The following WDR35 variants were observed in gnomAD, a reference collection of about 807,000 sequenced individuals.
WDR35 encodes the protein WD repeat domain 35.
Under a neutral mutation model 158.3 loss-of-function variants are expected in WDR35, and 118 were observed. The ratio of observed to expected loss-of-function variants is 0.75; its 90% CI spans 0.64 to 0.87. The LOEUF is 0.87. WDR35 is among the 40% of genes least tolerant of loss of function. The pLI, the probability that WDR35 is intolerant of heterozygous loss-of-function variation, is 0.00. For missense variants in WDR35, 1,263 were observed against 1,405.8 expected, an observed-to-expected ratio of 0.90 and a Z score of 1.62; for synonymous variants, 448 against 476.1, an observed-to-expected ratio of 0.94 and a Z score of 0.77.
Position 19,975,681 on chromosome 2 carries a change from T to C in WDR35, c.437-18A>G, listed in dbSNP as rs771495253. 9.9e-6 allele frequency: 16 copies of C among 1,613,736 alleles called. No homozygotes were observed. The East Asian group carries it at 2.9e-4, about 29-fold the overall frequency. On this transcript the variant is annotated intron_variant, in intron 5 of 26. Coordinates refer to ENST00000281405, the MANE Select transcript of WDR35 (RefSeq NM_020779.4). ...ACGATTGCCTAAAACAAAACATTAT[T>C]AAAAGTTGTTCAAGGTCATGATCCT...
At chr2:19,989,105 G>T (rs912962642) in intron 2 of WDR35, 60 bp downstream of exon 2, 1 of 1,391,676 alleles carries the variant, frequency 7.2e-7, no homozygotes, top group Non-Finnish European at 1.0e-6. Context: ...TGAGTAGACC[G>T]CACTGAACAA....
rs1160131349 is a variant in WDR35 at position 19,921,932 on chromosome 2, A to G, written c.3122-7655T>C. Among the ~76,000 whole-genome samples, 3 of 152,256 alleles carry G rather than the reference A, an allele frequency of 2.0e-5. No individual in the cohort carries two copies. In the South Asian group the frequency reaches 6.2e-4, roughly 31 times the overall value. On this transcript the variant is annotated intron_variant, in intron 25 of 26. Coordinates refer to ENST00000281405, the MANE Select transcript of WDR35 (RefSeq NM_020779.4). ...GAAGGATATGAACAGAAACTTTTCAAAAGAAGACATTTTTGCATCCAACAA... is the reference window on the plus strand; with the variant it reads ...GAAGGATATGAACAGAAACTTTTCAGAAGAAGACATTTTTGCATCCAACAA...
intron 12 of WDR35, among the ~76,000 whole-genome samples, chr2:19,952,576 A>G (rs1417599127): frequency 6.6e-6 from 1 of 152,134 alleles, no homozygotes; most frequent in East Asian, 1.9e-4. Context: ...TTGTCCTAAG[A>G]TCTACCTTCT....
chr2:19,954,732 A>G lies in WDR35; in HGVS notation c.1256-754T>C, dbSNP rs547707075. Among the ~76,000 whole-genome samples, 60 of 152,328 alleles carry G rather than the reference A, an allele frequency of 3.9e-4. 1 individual carries two copies. In the South Asian group the frequency reaches 7.5e-3, roughly 19 times the overall value. On this transcript the variant is annotated intron_variant, in intron 11 of 26. Transcript: ENST00000281405. ...TAATATGGTGTGTTCACTTTGGTAA[A>G]CAGTTCAGCAACTCCTCAAAATGTT...
chr2:19,957,103 T>C (rs1029040479), intron 11 of WDR35, among the ~76,000 whole-genome samples: 1 of 152,194 alleles, frequency 6.6e-6, no homozygotes, highest in Admixed American at 6.5e-5. Flanking sequence ...GTAGTAGAGC[T>C]GGACACAAAC....
chr2:19,987,910 A>ATATATATCTATATACACACGTG (rs1202611500), intron 2 of WDR35, among the ~76,000 whole-genome samples: 7 of 151,518 alleles, frequency 4.6e-5, no homozygotes, highest in East Asian at 3.9e-4. Context: ...ATACACACGT[A>ATATATATCTATATACACACGTG]TATATATATC....
At chr2:19,954,062 G>C (rs1168951187) in intron 11 of WDR35, 84 bp from the exon 12 acceptor site, 1 of 1,498,370 alleles carries the variant, frequency 6.7e-7, no homozygotes, top group Admixed American at 1.7e-5. Flanking sequence ...TAATCACGGA[G>C]TTCAACCCCT....
chr2:19,941,332 T>C (rs1670868116), intron 17 of WDR35, among the ~76,000 whole-genome samples: 1 of 152,164 alleles, frequency 6.6e-6, no homozygotes, highest in African/African-American at 2.4e-5. Context: ...AAAAAGTTAC[T>C]CAAGTATCTT....
intron 19 of WDR35, among the ~76,000 whole-genome samples, chr2:19,937,179 G>C (rs549234248): frequency 1.3e-5 from 2 of 152,332 alleles, no homozygotes; most frequent in South Asian, 4.1e-4. Flanking sequence ...TCTCCGCCTT[G>C]TGGTTCAGTG....
intron 25 of WDR35, among the ~76,000 whole-genome samples, chr2:19,924,176 T>C (rs10175236): frequency 0.2 from 30,785 of 152,050 alleles, 3,407 homozygotes; most frequent in East Asian, 0.4. Context: ...AAAATCCCTT[T>C]ATGTGGAGAA....
chr2:19,933,586 G>T, intron 21 of WDR35, 75 bp from the exon 22 acceptor site: 3 of 1,271,792 alleles, frequency 2.4e-6, no homozygotes, highest in Non-Finnish European at 3.4e-6. Context: ...ACAAAACTCC[G>T]TAGGGACGTA....
intron 16 of WDR35, among the ~76,000 whole-genome samples, chr2:19,942,442 T>C (rs1670909192): frequency 6.6e-6 from 1 of 152,178 alleles, no homozygotes; most frequent in Non-Finnish European, 1.5e-5. Flanking sequence ...GTTATATGTC[T>C]GTCTCTTATC....
chr2:19,971,328 A>G (rs556321234), intron 8 of WDR35, among the ~76,000 whole-genome samples: 67 of 152,220 alleles, frequency 4.4e-4, no homozygotes, highest in African/African-American at 1.5e-3. Context: ...AAGAGATGAG[A>G]CCTTTAAGCA....
intron 5 of WDR35, among the ~76,000 whole-genome samples, chr2:19,978,103 T>C (rs1369404319): frequency 6.6e-6 from 1 of 152,162 alleles, no homozygotes; most frequent in African/African-American, 2.4e-5. Context: ...GGTCTGGTCA[T>C]TGCTGTACCC....
intron 25 of WDR35, among the ~76,000 whole-genome samples, chr2:19,920,581 A>C (rs1436741194): frequency 6.6e-6 from 1 of 152,236 alleles, no homozygotes; most frequent in Non-Finnish European, 1.5e-5. Context: ...AACATATCTC[A>C]AAATAATAAC....
At chr2:19,964,983 G>A (rs1175649586) in intron 10 of WDR35, among the ~76,000 whole-genome samples, 1 of 151,920 alleles carries the variant, frequency 6.6e-6, no homozygotes, top group African/African-American at 2.4e-5. Context: ...GAGTGCAATG[G>A]CACGATCCTG....
At chr2:19,978,582 A>C (rs544577252) in intron 5 of WDR35, among the ~76,000 whole-genome samples, 169 bp downstream of exon 5, 1 of 152,370 alleles carries the variant, frequency 6.6e-6, no homozygotes, top group Non-Finnish European at 1.5e-5. Flanking sequence ...ACAGATGGTT[A>C]AAATCAAAGA....
chr2:19,955,641 A>C (rs184437351), intron 11 of WDR35, among the ~76,000 whole-genome samples: 1 of 152,352 alleles, frequency 6.6e-6, no homozygotes, highest in African/African-American at 2.4e-5. Flanking sequence ...CAATCAAAAC[A>C]GTGTAAAACT....
intron 25 of WDR35, among the ~76,000 whole-genome samples, chr2:19,925,987 G>T (rs576581467): frequency 1.3e-5 from 2 of 152,326 alleles, no homozygotes; most frequent in African/African-American, 4.8e-5. Flanking sequence ...TAAGTAAAGA[G>T]AAACCGGAGG....
Sources: allele counts gnomAD v4.1 joint callset (sites outside exome capture counted in the v4.1 genomes callset), GRCh38; gene constraint gnomAD v4.1.1; transcripts MANE v1.5; gene names NCBI Gene and HGNC (gene_info 2026-07-23, HGNC 2026-07-21).